DGKB: variants seen among roughly 807,000 people sequenced by gnomAD.
DGKB encodes 90 kDa diacylglycerol kinase.
A neutral mutation model predicts 114.3 loss-of-function variants in DGKB; 67 were observed. The observed-to-expected ratio is 0.59, with a 90% CI of 0.48 to 0.72. DGKB has a LOEUF of 0.72. Among genes scored for constraint, DGKB ranks in the 30% least tolerant of loss-of-function variants. DGKB has a pLI of 0.00. For missense variants in DGKB, 907 were observed against 975.2 expected (o/e 0.93, Z 0.93); for synonymous variants, 398 against 323.1 (o/e 1.23, Z -2.49).
intron 20 of DGKB, among the ~76,000 whole-genome samples, chr7:14,501,501 A>C (rs1291004374): frequency 1.3e-5 from 2 of 151,974 alleles, no homozygotes; most frequent in African/African-American, 4.8e-5. Flanking sequence ...ACCTACTGTG[A>C]GAAGGCAGCA....
At chr7:14,901,657 C>T (rs1783100918) in intron 1 of DGKB, among the ~76,000 whole-genome samples, 1 of 130,286 alleles carries the variant, frequency 7.7e-6, no homozygotes, top group East Asian at 2.7e-4. Context: ...CTGGTCAATG[C>T]AAGAGGACCT....
At chr7:14,232,460 T>A (rs967290111) in intron 23 of DGKB, among the ~76,000 whole-genome samples, 1 of 151,600 alleles carries the variant, frequency 6.6e-6, no homozygotes, top group Non-Finnish European at 1.5e-5. Flanking sequence ...TTATTTGTTT[T>A]GAACTTAGGA....
chr7:14,912,812 T>C (rs189402942), intron 1 of DGKB, among the ~76,000 whole-genome samples: 92 of 152,178 alleles, frequency 6.0e-4, no homozygotes, highest in African/African-American at 2.2e-3. Flanking sequence ...CACATATGAG[T>C]GTCCCATACG....
intron 2 of DGKB, among the ~76,000 whole-genome samples, chr7:14,765,994 C>T (rs1054706758): frequency 3.3e-4 from 50 of 151,844 alleles, no homozygotes; most frequent in Admixed American, 7.9e-4. Flanking sequence ...GGAAAGAATG[C>T]TAACATTCAG....
At chr7:14,766,565 A>T (rs1836490771) in intron 2 of DGKB, among the ~76,000 whole-genome samples, 1 of 151,926 alleles carries the variant, frequency 6.6e-6, no homozygotes, top group Non-Finnish European at 1.5e-5. Context: ...ATATTTCATA[A>T]ATATATTAGA....
chr7:14,729,186 C>T (rs1319804449), intron 5 of DGKB, among the ~76,000 whole-genome samples: 2 of 145,478 alleles, frequency 1.4e-5, no homozygotes, highest in South Asian at 2.2e-4. Flanking sequence ...GCAGTGGCGC[C>T]ATCTCGGCTC....
chr7:14,408,798 A>T (rs1042530637), intron 21 of DGKB, among the ~76,000 whole-genome samples: 2 of 152,094 alleles, frequency 1.3e-5, no homozygotes, highest in African/African-American at 4.8e-5. Flanking sequence ...ATTTTTTTTC[A>T]ACAAATATAT....
chr7:14,544,251 G>C (rs1244324578), intron 20 of DGKB, among the ~76,000 whole-genome samples: 2 of 152,256 alleles, frequency 1.3e-5, no homozygotes, highest in Admixed American at 1.3e-4. Flanking sequence ...TAAAAATGAA[G>C]TAGATGCAGT....
chr7:14,728,188 T>C (rs1353932702), intron 5 of DGKB, among the ~76,000 whole-genome samples: 5 of 152,154 alleles, frequency 3.3e-5, no homozygotes, highest in African/African-American at 9.7e-5. Context: ...TGATAAGGCA[T>C]CTAATTTTTT....
intron 23 of DGKB, among the ~76,000 whole-genome samples, chr7:14,273,996 A>G (rs544618802): frequency 6.6e-6 from 1 of 152,150 alleles, no homozygotes; most frequent in Non-Finnish European, 1.5e-5. Flanking sequence ...TTTGTATTTC[A>G]TTGTTTTGTG....
intron 14 of DGKB, among the ~76,000 whole-genome samples, chr7:14,622,775 C>T (rs1380580220): frequency 6.6e-6 from 1 of 152,108 alleles, no homozygotes; most frequent in Non-Finnish European, 1.5e-5. Flanking sequence ...CCTACTCCAG[C>T]TGCACTGGCT....
chr7:14,347,583 C>T (rs753721394), intron 21 of DGKB, among the ~76,000 whole-genome samples: 13 of 151,800 alleles, frequency 8.6e-5, no homozygotes, highest in Non-Finnish European at 1.5e-4. Flanking sequence ...TACATAGAAG[C>T]AAAGAGTACA....
chr7:14,253,355 G>A (rs1302929503), intron 23 of DGKB, among the ~76,000 whole-genome samples: 1 of 152,044 alleles, frequency 6.6e-6, no homozygotes, highest in African/African-American at 2.4e-5. Context: ...TGTATGTGAG[G>A]GCAAGAGTGC....
intron 23 of DGKB, among the ~76,000 whole-genome samples, chr7:14,272,233 A>G (rs531915070): frequency 6.6e-6 from 1 of 152,218 alleles, no homozygotes; most frequent in East Asian, 1.9e-4. Flanking sequence ...TGGTGTGTCA[A>G]TTTAAGACAA....
intron 5 of DGKB, chr7:14,718,889 C>A (rs1828682573): frequency 6.1e-6 from 3 of 487,892 alleles, no homozygotes; most frequent in Non-Finnish European, 1.1e-5. Context: ...TTGGGATCCA[C>A]AGACATGGCA....
chr7:14,556,488 A>G (rs1431571744), intron 20 of DGKB, among the ~76,000 whole-genome samples: 2 of 152,134 alleles, frequency 1.3e-5, no homozygotes, highest in Non-Finnish European at 2.9e-5. Flanking sequence ...GTTGACTGAC[A>G]TAGTGAGAGA....
intron 23 of DGKB, among the ~76,000 whole-genome samples, chr7:14,200,802 T>C (rs1271955460): frequency 1.3e-5 from 2 of 151,960 alleles, no homozygotes; most frequent in African/African-American, 2.4e-5. Context: ...TTTAACTCTA[T>C]GGAGGATGGT....
intron 13 of DGKB, among the ~76,000 whole-genome samples, chr7:14,644,535 T>G (rs745635337): frequency 6.6e-6 from 1 of 152,116 alleles, no homozygotes; most frequent in Admixed American, 6.5e-5. Flanking sequence ...ACAGAAATCA[T>G]AGAACTGAAG....
intron 21 of DGKB, among the ~76,000 whole-genome samples, chr7:14,353,206 C>T (rs185244061): frequency 1.1e-4 from 16 of 151,952 alleles, no homozygotes; most frequent in Admixed American, 1.1e-3. Flanking sequence ...TTTCCTGAGC[C>T]ATAAGGAAAA....
Sources: gnomAD v4.1 joint callset for allele counts (sites outside exome capture counted in the v4.1 genomes callset) on GRCh38, gnomAD v4.1.1 for gene constraint, MANE v1.5 for transcripts, NCBI Gene and HGNC (gene_info 2026-07-23, HGNC 2026-07-21) for gene names.